Variants in ITFG1 observed in about 807,000 individuals in gnomAD.
ITFG1 encodes T-cell immunomodulatory protein.
In ITFG1, 34 loss-of-function variants were observed where a neutral mutation model predicts 81.8. The ratio of observed to expected loss-of-function variants is 0.42; its 90% confidence interval spans 0.32 to 0.55. ITFG1 has a LOEUF of 0.55. Among genes scored for constraint, ITFG1 ranks in the 20% least tolerant of loss-of-function variants. The pLI is 0.17. For synonymous variants in ITFG1, 285 were observed against 270.6 expected (o/e 1.05, Z -0.52); for missense variants, 672 against 755.4 (o/e 0.89, Z 1.29).
intron 14 of ITFG1, among the ~76,000 whole-genome samples, chr16:47,186,401 G>A (rs1027211078): frequency 6.6e-6 from 1 of 152,060 alleles, no homozygotes. Context: ...ACATCAAAAA[G>A]CTTATCCACC....
At chr16:47,310,036 C>G (rs1967232963) in intron 10 of ITFG1, among the ~76,000 whole-genome samples, 7 of 152,170 alleles carry the variant, frequency 4.6e-5, no homozygotes, top group Admixed American at 4.6e-4. Flanking sequence ...TTGGCTATAT[C>G]AGATCTGTTT....
intron 10 of ITFG1, among the ~76,000 whole-genome samples, chr16:47,270,050 T>G (rs1314170406): frequency 6.6e-6 from 1 of 152,196 alleles, no homozygotes; most frequent in Non-Finnish European, 1.5e-5. Context: ...TAAATGGTGT[T>G]GGAACAATTT....
At chr16:47,198,410 T>G (rs1419811938) in intron 14 of ITFG1, among the ~76,000 whole-genome samples, 1 of 152,232 alleles carries the variant, frequency 6.6e-6, no homozygotes, top group African/African-American at 2.4e-5. Flanking sequence ...TTTGTGGTGA[T>G]GCAGGGGTAA....
intron 12 of ITFG1, among the ~76,000 whole-genome samples, chr16:47,252,109 G>A (rs531774343): frequency 6.6e-6 from 1 of 152,236 alleles, no homozygotes; most frequent in African/African-American, 2.4e-5. Flanking sequence ...AAAATAACTT[G>A]AGAAAATACT....
intron 16 of ITFG1, among the ~76,000 whole-genome samples, chr16:47,161,248 T>C (rs1355600113): frequency 6.6e-6 from 1 of 152,216 alleles, no homozygotes; most frequent in Non-Finnish European, 1.5e-5. Context: ...GTGTTAAGTA[T>C]ATTTCACCCT....
chr16:47,443,669 G>A (rs1200832193), intron 5 of ITFG1, among the ~76,000 whole-genome samples: 2 of 152,012 alleles, frequency 1.3e-5, no homozygotes, highest in Non-Finnish European at 2.9e-5. Flanking sequence ...AACACCGCAC[G>A]TTCTCACTCA....
intron 8 of ITFG1, among the ~76,000 whole-genome samples, chr16:47,363,728 C>T (rs1348626226): frequency 6.6e-6 from 1 of 152,128 alleles, no homozygotes; most frequent in African/African-American, 2.4e-5. Flanking sequence ...ACATATTATT[C>T]TAGCCACATA....
chr16:47,377,750 G>C (rs1314898318), intron 6 of ITFG1, among the ~76,000 whole-genome samples: 1 of 152,034 alleles, frequency 6.6e-6, no homozygotes, highest in Non-Finnish European at 1.5e-5. Flanking sequence ...ACCTACCATG[G>C]TATTCTGGCT....
intron 7 of ITFG1, among the ~76,000 whole-genome samples, chr16:47,372,636 T>G (rs1968272244): frequency 6.6e-6 from 1 of 151,958 alleles, no homozygotes; most frequent in Admixed American, 6.6e-5. Flanking sequence ...GTATTTTTAG[T>G]AGAGATGGGG....
intron 13 of ITFG1, among the ~76,000 whole-genome samples, chr16:47,228,565 T>C (rs1408613447): frequency 6.6e-6 from 1 of 152,218 alleles, no homozygotes; most frequent in African/African-American, 2.4e-5. Context: ...TCTCACTATG[T>C]TGCCCAGGCT....
intron 12 of ITFG1, among the ~76,000 whole-genome samples, chr16:47,244,592 T>TGTGC (rs1491473257): frequency 0.013 from 13 of 1,016 alleles, no homozygotes; most frequent in African/African-American, 0.024. Context: ...TTCCATCTTT[T>TGTGC]GTGTGTGTGT....
At chr16:47,445,221 C>T (rs1177066110) in intron 5 of ITFG1, among the ~76,000 whole-genome samples, 1 of 132,566 alleles carries the variant, frequency 7.5e-6, no homozygotes, top group Admixed American at 8.4e-5. Flanking sequence ...AATCCCAGCA[C>T]TTTGGGAGAG....
intron 10 of ITFG1, among the ~76,000 whole-genome samples, chr16:47,264,272 T>C (rs1464975969): frequency 1.3e-5 from 2 of 152,064 alleles, no homozygotes; most frequent in Non-Finnish European, 2.9e-5. Context: ...TTCTGATACA[T>C]ATATTTTTCT....
At chr16:47,313,371 T>C (rs1967298257) in intron 9 of ITFG1, among the ~76,000 whole-genome samples, 1 of 152,082 alleles carries the variant, frequency 6.6e-6, no homozygotes, top group African/African-American at 2.4e-5. Context: ...ATAAAATAGG[T>C]TTAAATAACA....
At chr16:47,355,205 C>T (rs117831914) in intron 8 of ITFG1, among the ~76,000 whole-genome samples, 4,255 of 152,058 alleles carry the variant, frequency 0.028, 88 homozygotes, top group Non-Finnish European at 0.04. Flanking sequence ...ATATATTGTT[C>T]AGACACGAAA....
chr16:47,222,413 CTTTT>C (rs1043034196), intron 13 of ITFG1, among the ~76,000 whole-genome samples: 8 of 130,924 alleles, frequency 6.1e-5, no homozygotes, highest in Non-Finnish European at 1.1e-4. Context: ...GAGTTTCTTT[CTTTT>C]TTTTTTTTTT....
chr16:47,241,790 C>A (rs887458388), intron 12 of ITFG1, among the ~76,000 whole-genome samples: 2 of 151,966 alleles, frequency 1.3e-5, no homozygotes, highest in African/African-American at 4.8e-5. Flanking sequence ...CCCGTCTCTA[C>A]TAAAAATACA....
intron 12 of ITFG1, among the ~76,000 whole-genome samples, chr16:47,244,606 TGTGTGTGTGTG>T (rs1965976704): frequency 3.3e-5 from 3 of 91,138 alleles, no homozygotes; most frequent in Admixed American, 2.7e-4. Flanking sequence ...TGTGTGTGTG[TGTGTGTGTGTG>T]TGTGTGTGTG....
rs918765395 is a variant in ITFG1, at chr16:47,158,990, A to G, written c.1662T>C (p.Ser554=). 6.9e-7 allele frequency: 1 copy of G among 1,440,644 alleles called. No homozygotes were observed. The highest frequency in any genetic ancestry group is 1.3e-5 in the South Asian group (1 of 74,972). The allele number at this position is 1,440,644 out of a possible 1,614,324, so 89.2% of individuals were successfully genotyped here. A position where few individuals can be genotyped will look rare whatever the true frequency, so the allele number is the denominator to read the frequency against. ...GTGTAAGATACAGTTTGGCACTCCA[A>G]CTGTAGATAAAAACAGAACAAATTA... The part of the protein sequence containing the change: ...VIPYPHNVPR[S]WSAKLYLTPS... The change falls in exon 17 of 18, where the codon AGT becomes AGC. Residue 554 remains serine, a splice_region_variant and synonymous_variant. Coordinates refer to ENST00000320640, the MANE Select transcript of ITFG1 (RefSeq NM_030790.5).
Sources: allele counts gnomAD v4.1 joint callset (sites outside exome capture counted in the v4.1 genomes callset), GRCh38; gene constraint gnomAD v4.1.1; transcripts MANE v1.5; gene names NCBI Gene and HGNC (gene_info 2026-07-23, HGNC 2026-07-21).